Variants in USH2A observed in about 807,000 individuals in gnomAD.
USH2A encodes the protein usherin.
In USH2A, 443 loss-of-function variants were observed where a neutral mutation model predicts 538.9. The ratio of observed to expected loss-of-function variants is 0.82; its 90% confidence interval spans 0.76 to 0.89. USH2A has a LOEUF of 0.89. Among genes scored for constraint, USH2A ranks in the 40% least tolerant of loss-of-function variants. The probability of loss-of-function intolerance (pLI) is 0.00; values close to 1 mark genes in which losing one functional copy is unlikely to be tolerated. For missense variants in USH2A, 6,633 were observed against 6,324.8 expected (o/e 1.05, Z -1.65); for synonymous variants, 2,413 against 2,273.5 (o/e 1.06, Z -1.75).
chr1:215,817,752 A>G lies in USH2A; in HGVS notation c.9372-557T>C, dbSNP rs916010030. On this transcript the variant is annotated intron_variant, in intron 47 of 71. Transcript: ENST00000307340. ...CAGCAATCATCTTTCAGTTATTTGA[A>G]AAGGCCAAAACAATCACAAAGATGC... Among the ~76,000 whole-genome samples, 4 of 152,068 alleles carry G rather than the reference A, an allele frequency of 2.6e-5. No homozygotes were observed. The South Asian group carries it at 6.2e-4, about 24-fold the overall frequency.
intron 37 of USH2A, among the ~76,000 whole-genome samples, chr1:215,954,564 T>G (rs955888487): frequency 1.4e-5 from 1 of 73,880 alleles, no homozygotes; most frequent in Non-Finnish European, 2.4e-5. Context: ...GGGCCTGTTG[T>G]GGGGTGGGGG....
intron 64 of USH2A, 36 bp from the exon 65 acceptor site, chr1:215,650,837 G>C (rs1354942171): frequency 3.1e-6 from 4 of 1,284,192 alleles, no homozygotes; most frequent in African/African-American, 1.8e-5. Context: ...TCAAAAGCAA[G>C]ATACCCTAAG....
intron 12 of USH2A, among the ~76,000 whole-genome samples, chr1:216,247,983 T>A (rs2036086195): frequency 6.6e-6 from 1 of 152,166 alleles, no homozygotes; most frequent in African/African-American, 2.4e-5. Flanking sequence ...TACACTTATT[T>A]CTGAATCCAC....
chr1:215,958,863 T>C (rs546961358), intron 37 of USH2A, among the ~76,000 whole-genome samples: 35 of 152,274 alleles, frequency 2.3e-4, no homozygotes, highest in African/African-American at 7.9e-4. Flanking sequence ...TTGGTGTTTT[T>C]GTTTGATTAC....
intron 37 of USH2A, among the ~76,000 whole-genome samples, chr1:215,940,150 C>G (rs914198787): frequency 6.6e-6 from 1 of 152,204 alleles, no homozygotes; most frequent in Non-Finnish European, 1.5e-5. Context: ...TTAAGTTAGT[C>G]TTTTTCTGAA....
In USH2A at chr1:215,752,193, G is replaced by A. The variant is rs1199766556; in HGVS notation, c.11389+6402C>T. On this transcript the variant is annotated intron_variant, in intron 58 of 71. Coordinates refer to ENST00000307340, the MANE Select transcript of USH2A (RefSeq NM_206933.4). ...AATGTTTGAGTAATTTTAAATGGCA[G>A]GATATCCACAATTTACATTTGACTG... 3.9e-5 allele frequency among the ~76,000 whole-genome samples: 6 copies of A among 152,148 alleles called. No individual in the cohort carries two copies. In the East Asian group the frequency reaches 1.2e-3, roughly 29 times the overall value.
At chr1:215,687,230 T>G (rs1346742260) in intron 61 of USH2A, among the ~76,000 whole-genome samples, 1 of 152,136 alleles carries the variant, frequency 6.6e-6, no homozygotes, top group Non-Finnish European at 1.5e-5. Flanking sequence ...AGGGGACAAT[T>G]GTTATAACAA....
chr1:216,269,425 A>AC, intron 11 of USH2A, among the ~76,000 whole-genome samples: 1 of 152,104 alleles, frequency 6.6e-6, no homozygotes, highest in East Asian at 1.9e-4. Flanking sequence ...TCCTGTATAA[A>AC]TTTTTCCTGT....
intron 61 of USH2A, among the ~76,000 whole-genome samples, chr1:215,696,704 T>G (rs1376380476): frequency 5.3e-5 from 8 of 152,120 alleles, no homozygotes; most frequent in Admixed American, 5.2e-4. Flanking sequence ...TGCTCTCATT[T>G]ATCAGCTTAA....
At chr1:215,853,601 C>A (rs573363228) in intron 44 of USH2A, among the ~76,000 whole-genome samples, 2 of 152,194 alleles carry the variant, frequency 1.3e-5, no homozygotes, top group East Asian at 3.9e-4. Context: ...AACTTTTATG[C>A]TCTGCTTCCC....
chr1:216,078,090 T>G lies in USH2A; in HGVS notation c.5571A>C (p.Gln1857His). The G allele has an allele frequency of 3.7e-6, 6 of 1,613,554 alleles. No homozygotes were observed. The highest frequency in any genetic ancestry group is 5.1e-6 in the Non-Finnish European group (6 of 1,179,660). ...LNSYQHLCLE[Q>H]GFGGCMKDVK... is the part of the protein sequence containing the mutation. ...TGAATTCCTCCAGATGGAACTTACC[T>G]TGTTCCAAACACAAATGTTGATAAG... The change falls in exon 27 of 72, where the codon CAA becomes CAC. Residue 1857 changes from glutamine (Q) to histidine (H), a missense_variant and splice_region_variant. By Grantham distance (24) the Gln-to-His change is conservative. Transcript: ENST00000307340.
intron 29 of USH2A, chr1:216,072,666 A>G: frequency 1.7e-6 from 1 of 574,792 alleles, no homozygotes; most frequent in South Asian, 2.0e-5. Context: ...CTAAGAGGAA[A>G]GGATCAAGTC....
At chr1:216,359,239 T>A (rs2038445116) in intron 4 of USH2A, among the ~76,000 whole-genome samples, 1 of 152,200 alleles carries the variant, frequency 6.6e-6, no homozygotes, top group East Asian at 1.9e-4. Context: ...GGTACAACAA[T>A]CATATGGAAA....
At chr1:216,201,011 C>CCCTCCCTTCCTTCCTTCCTTCCTT (rs1370066859) in intron 16 of USH2A, among the ~76,000 whole-genome samples, 1 of 39,036 alleles carries the variant, frequency 2.6e-5, no homozygotes, top group Non-Finnish European at 5.2e-5. Context: ...CTCCCTCCCT[C>CCCTCCCTTCCTTCCTTCCTTCCTT]CCTTCCTTCC....
intron 21 of USH2A, among the ~76,000 whole-genome samples, chr1:216,146,557 T>G (rs2033708790): frequency 6.6e-6 from 1 of 152,112 alleles, no homozygotes; most frequent in African/African-American, 2.4e-5. Flanking sequence ...CCCTTCTCCT[T>G]CACCCTTAGC....
chr1:216,383,344 A>C (rs2038951446), intron 3 of USH2A, among the ~76,000 whole-genome samples: 1 of 152,198 alleles, frequency 6.6e-6, no homozygotes, highest in African/African-American at 2.4e-5. Flanking sequence ...ACTCTCACCA[A>C]ATAGAAAGCT....
Position 216,238,279 on chromosome 1 carries a change from T to C in USH2A, c.2810-6143A>G, listed in dbSNP as rs374548538. Among the ~76,000 whole-genome samples, 15 of 152,286 alleles carry C rather than the reference T, an allele frequency of 9.8e-5. 1 individual carries two copies. Among genetic ancestry groups the C allele is most frequent in the Admixed American group, 3.9e-4 (6 of 15,284 alleles). ...TTCCAAAGCTACAGAGTCTTCAATA[T>C]GCACTCTCTGCCTCTAGTTCTCAAG... is the stretch of plus-strand genomic sequence containing the variant. On this transcript the variant is annotated intron_variant, in intron 13 of 71. Transcript: ENST00000307340.
In USH2A at chr1:216,137,288, G is replaced by T. The variant is rs1260628494; in HGVS notation, c.4627+37964C>A. Among the ~76,000 whole-genome samples the T allele has an allele frequency of 3.9e-5, 6 of 152,108 alleles. No individual in the cohort carries two copies. The South Asian group carries it at 1.2e-3, about 32-fold the overall frequency. Reference sequence around the variant, plus strand: ...GCTGATAAAGACATACCCAAAACTGGGAATAAAAAGAGATTTAATTGGACT... The same window carrying T: ...GCTGATAAAGACATACCCAAAACTGTGAATAAAAAGAGATTTAATTGGACT... On this transcript the variant is annotated intron_variant, in intron 21 of 71. Coordinates refer to ENST00000307340, the MANE Select transcript of USH2A (RefSeq NM_206933.4).
intron 38 of USH2A, among the ~76,000 whole-genome samples, chr1:215,933,927 A>C (rs1666427514): frequency 6.6e-6 from 1 of 151,968 alleles, no homozygotes; most frequent in African/African-American, 2.4e-5. Flanking sequence ...GGTTTTCCTC[A>C]ATGCGATTAT....
Sources: gnomAD v4.1 joint callset for allele counts (sites outside exome capture counted in the v4.1 genomes callset) on GRCh38, gnomAD v4.1.1 for gene constraint, MANE v1.5 for transcripts, NCBI Gene and HGNC (gene_info 2026-07-23, HGNC 2026-07-21) for gene names.